The following GPC5 variants were observed in gnomAD, a reference collection of about 807,000 sequenced individuals.
The protein encoded by GPC5 is glypican 5.
GPC5 carries 47 observed loss-of-function variants against 53.9 expected under a neutral mutation model. The observed-to-expected ratio is 0.87, with a 90% CI of 0.69 to 1.11. The LOEUF (loss-of-function observed/expected upper bound fraction) is 1.11. Ranked by LOEUF, GPC5 falls within the 50% of genes most tolerant of loss-of-function variation. The pLI is 0.00. For synonymous variants in GPC5, 286 were observed against 263.3 expected (o/e 1.09, Z -0.84); for missense variants, 748 against 713.1 (o/e 1.05, Z -0.56).
At chr13:92,725,846 T>A (rs570129075) in intron 7 of GPC5, among the ~76,000 whole-genome samples, 2 of 151,610 alleles carry the variant, frequency 1.3e-5, no homozygotes, top group Non-Finnish European at 3.0e-5. Flanking sequence ...TAATATAACC[T>A]GAAAGTAGAA....
intron 7 of GPC5, among the ~76,000 whole-genome samples, chr13:92,274,804 C>T (rs1297319320): frequency 6.6e-6 from 1 of 152,086 alleles, no homozygotes; most frequent in Non-Finnish European, 1.5e-5. Flanking sequence ...CAATCTTATG[C>T]AGTATAATCA....
intron 7 of GPC5, among the ~76,000 whole-genome samples, chr13:92,848,953 G>T (rs991126288): frequency 6.6e-6 from 1 of 152,046 alleles, no homozygotes; most frequent in African/African-American, 2.4e-5. Flanking sequence ...TCCATACTGG[G>T]TCAAGTCAGG....
rs80081409 is a variant in GPC5, at chr13:92,850,706, A to C, written c.1562-15576A>C. On this transcript the variant is annotated intron_variant, in intron 7 of 7. Transcript: ENST00000377067. ...TAAGGATTAGTCAAAAGCTGTAACG[A>C]GGAGTTATCCCTTCCTCCACTCCAA... Among the ~76,000 whole-genome samples the C allele has an allele frequency of 1.2e-3, 182 of 152,332 alleles. 1 individual carries two copies. Among genetic ancestry groups the C allele is most frequent in the African/African-American group, 4.3e-3 (178 of 41,576 alleles).
rs568071744 is a variant in GPC5 at position 92,059,528 on chromosome 13, GATATGCTTT to G, written c.1402-85301_1402-85293del. Among the ~76,000 whole-genome samples the G allele has an allele frequency of 4.5e-3, 684 of 151,698 alleles. 5 individuals are homozygous for G. Among genetic ancestry groups the G allele is most frequent in the Admixed American group, 0.011 (162 of 15,242 alleles). ...ATTTTATATAAAATAGAATATACTA[GATATGCTTT>G]TGTGTATAATCTTTTAAATTCACTC... On this transcript the variant is annotated intron_variant, in intron 6 of 7. Transcript: ENST00000377067.
At chr13:92,424,845 T>C (rs1157972139) in intron 7 of GPC5, among the ~76,000 whole-genome samples, 4 of 151,936 alleles carry the variant, frequency 2.6e-5, no homozygotes, top group Non-Finnish European at 4.4e-5. Flanking sequence ...CATTCATTCA[T>C]TGAACATGTA....
intron 7 of GPC5, among the ~76,000 whole-genome samples, chr13:92,552,500 G>A (rs1361464904): frequency 6.6e-6 from 1 of 151,854 alleles, no homozygotes; most frequent in Admixed American, 6.6e-5. Flanking sequence ...GAAAAAAATA[G>A]CTTAAAGACT....
chr13:92,033,936 G>A (rs965387067), intron 6 of GPC5, among the ~76,000 whole-genome samples: 1 of 151,962 alleles, frequency 6.6e-6, no homozygotes, highest in Admixed American at 6.6e-5. Context: ...GAAAAACAAG[G>A]GAATTGTTTT....
chr13:91,716,777 G>T (rs961227240), intron 3 of GPC5, among the ~76,000 whole-genome samples: 3 of 152,180 alleles, frequency 2.0e-5, no homozygotes, highest in Non-Finnish European at 4.4e-5. Context: ...GTCTCCATGC[G>T]ATCAGAAGGA....
At chr13:91,519,626 T>G (rs9301735) in intron 2 of GPC5, among the ~76,000 whole-genome samples, 4 of 152,194 alleles carry the variant, frequency 2.6e-5, no homozygotes, top group Non-Finnish European at 5.9e-5. Context: ...TGTGGAACTA[T>G]GAGTCAATTA....
chr13:92,319,444 G>C (rs2043201691), intron 7 of GPC5, among the ~76,000 whole-genome samples: 1 of 145,116 alleles, frequency 6.9e-6, no homozygotes, highest in African/African-American at 2.6e-5. Flanking sequence ...AATTCAGTTA[G>C]AAAATATGAA....
intron 7 of GPC5, among the ~76,000 whole-genome samples, chr13:92,821,501 G>A (rs983268263): frequency 3.9e-5 from 6 of 152,018 alleles, no homozygotes; most frequent in Admixed American, 2.0e-4. Context: ...ATGCAACACT[G>A]GGCAATGTCT....
intron 2 of GPC5, among the ~76,000 whole-genome samples, chr13:91,682,011 A>G (rs1355850361): frequency 6.6e-6 from 1 of 152,184 alleles, no homozygotes; most frequent in African/African-American, 2.4e-5. Context: ...CAGACTATTT[A>G]GAAAATGATA....
At chr13:92,342,913 T>C (rs148571936) in intron 7 of GPC5, among the ~76,000 whole-genome samples, 1,526 of 152,298 alleles carry the variant, frequency 0.01, 27 homozygotes, top group Middle Eastern at 0.048. Flanking sequence ...ATCATACTTA[T>C]GTACAAATAT....
At chr13:92,295,849 C>T (rs1031175879) in intron 7 of GPC5, among the ~76,000 whole-genome samples, 1 of 152,084 alleles carries the variant, frequency 6.6e-6, no homozygotes, top group Non-Finnish European at 1.5e-5. Context: ...TTGTGTGAGT[C>T]CTTATGCGTT....
chr13:91,522,343 C>T (rs775218359), intron 2 of GPC5, among the ~76,000 whole-genome samples: 1 of 152,108 alleles, frequency 6.6e-6, no homozygotes, highest in Non-Finnish European at 1.5e-5. Flanking sequence ...AACGACATCA[C>T]GTTGGAGAGT....
intron 5 of GPC5, among the ~76,000 whole-genome samples, chr13:91,890,994 T>C (rs2138968235): frequency 6.6e-6 from 1 of 152,336 alleles, no homozygotes; most frequent in East Asian, 1.9e-4. Flanking sequence ...GTGGCCCATA[T>C]ACCAGGTATG....
In GPC5 at chr13:92,796,505, AT is replaced by A. The variant is rs1309400266; in HGVS notation, c.1562-69774del. Among the ~76,000 whole-genome samples, 57 of 152,098 alleles carry A rather than the reference AT, an allele frequency of 3.7e-4. 1 individual carries two copies. The highest frequency in any genetic ancestry group is 2.6e-3 in the Admixed American group (39 of 15,250). On this transcript the variant is annotated intron_variant, in intron 7 of 7. Transcript: ENST00000377067. ...CAAGTATCCTAAAACTTAAAGTGTAATTTAAAAAGCAGGGGAGCTGAAAATC... is the reference window on the plus strand; with the variant it reads ...CAAGTATCCTAAAACTTAAAGTGTAATTAAAAAGCAGGGGAGCTGAAAATC...
chr13:92,377,428 T>C (rs2043703994), intron 7 of GPC5, among the ~76,000 whole-genome samples: 1 of 152,164 alleles, frequency 6.6e-6, no homozygotes, highest in South Asian at 2.1e-4. Context: ...GATATGGAAG[T>C]AAAGGAATAA....
At chr13:91,762,513 G>A (rs2037435434) in intron 5 of GPC5, among the ~76,000 whole-genome samples, 1 of 151,128 alleles carries the variant, frequency 6.6e-6, no homozygotes, top group Non-Finnish European at 1.5e-5. Context: ...GTAACAACTG[G>A]TTGCTTTTCC....
Sources: gnomAD v4.1 joint callset for allele counts (sites outside exome capture counted in the v4.1 genomes callset) on GRCh38, gnomAD v4.1.1 for gene constraint, MANE v1.5 for transcripts, NCBI Gene and HGNC (gene_info 2026-07-23, HGNC 2026-07-21) for gene names.